Variants in RERE observed in about 807,000 individuals in gnomAD.
RERE encodes the protein arginine-glutamic acid dipeptide repeats.
Under a neutral mutation model 146.1 loss-of-function variants are expected in RERE, and 40 were observed. The ratio of observed to expected loss-of-function variants is 0.27; its 90% CI spans 0.21 to 0.36. The LOEUF is 0.36. Among genes scored for constraint, RERE ranks in the 10% least tolerant of loss-of-function variants. RERE has a pLI of 1.00. For missense variants in RERE, 1,933 were observed against 2,138.7 expected, an observed-to-expected ratio of 0.90 and a Z score of 1.90; for synonymous variants, 1,003 against 866.0, an observed-to-expected ratio of 1.16 and a Z score of -2.78.
chr1:8,770,618 A>C (rs989682474), intron 1 of RERE, among the ~76,000 whole-genome samples: 6 of 152,226 alleles, frequency 3.9e-5, no homozygotes, highest in African/African-American at 1.2e-4. Flanking sequence ...ACGTAGAACA[A>C]CACTGTGGCA....
intron 1 of RERE, among the ~76,000 whole-genome samples, chr1:8,725,907 A>G (rs1451032920): frequency 1.3e-5 from 2 of 152,094 alleles, no homozygotes; most frequent in South Asian, 2.1e-4. Context: ...CAAATGAGGC[A>G]TCTAATTTTA....
At chr1:8,458,640 A>T (rs1644484679) in intron 11 of RERE, among the ~76,000 whole-genome samples, 1 of 151,374 alleles carries the variant, frequency 6.6e-6, no homozygotes, top group Non-Finnish European at 1.5e-5. Context: ...GCTGGCTTTT[A>T]TTTTTTTAAT....
chr1:8,355,788 T>A (rs1382522561), intron 21 of RERE, among the ~76,000 whole-genome samples, 189 bp from the exon 22 acceptor site: 1 of 151,936 alleles, frequency 6.6e-6, no homozygotes, highest in Non-Finnish European at 1.5e-5. Flanking sequence ...TGCCCTTGGG[T>A]GCCTCTGCCT....
At chr1:8,780,245 C>G (rs1264502419) in intron 1 of RERE, among the ~76,000 whole-genome samples, 1 of 152,222 alleles carries the variant, frequency 6.6e-6, no homozygotes, top group African/African-American at 2.4e-5. Context: ...ATTTCCTCCC[C>G]ATTTCCTGGC....
chr1:8,529,329 G>T (rs1452230909), intron 7 of RERE, among the ~76,000 whole-genome samples: 3 of 122,794 alleles, frequency 2.4e-5, no homozygotes, highest in South Asian at 2.6e-4. Context: ...TCGCTCTGTT[G>T]CACAGGCTGG....
At chr1:8,577,198 T>A (rs1031031019) in intron 4 of RERE, among the ~76,000 whole-genome samples, 6 of 151,938 alleles carry the variant, frequency 3.9e-5, no homozygotes, top group South Asian at 4.2e-4. Context: ...AAATTTCATA[T>A]GACTTTTGAA....
intron 12 of RERE, among the ~76,000 whole-genome samples, chr1:8,387,949 G>GC (rs1222140704): frequency 6.6e-6 from 1 of 152,192 alleles, no homozygotes; most frequent in Non-Finnish European, 1.5e-5. Flanking sequence ...GTTGATGTGT[G>GC]CAAGAAAGTT....
chr1:8,473,999 CAGAA>C (rs1410581734), intron 10 of RERE, among the ~76,000 whole-genome samples: 1 of 152,220 alleles, frequency 6.6e-6, no homozygotes, highest in African/African-American at 2.4e-5. Flanking sequence ...TCCTGATTAG[CAGAA>C]AGAAAGGATC....
chr1:8,550,879 G>A (rs561643481), intron 6 of RERE, among the ~76,000 whole-genome samples: 1 of 152,232 alleles, frequency 6.6e-6, no homozygotes, highest in East Asian at 1.9e-4. Context: ...TTAAGGAATG[G>A]TTGGGAAACT....
At chr1:8,773,539 A>C (rs1172097459) in intron 1 of RERE, among the ~76,000 whole-genome samples, 1 of 152,000 alleles carries the variant, frequency 6.6e-6, no homozygotes, top group African/African-American at 2.4e-5. Flanking sequence ...AAAAATACAA[A>C]AATTAGCTGG....
intron 7 of RERE, among the ~76,000 whole-genome samples, chr1:8,515,640 AAACAAC>A (rs373344787): frequency 4.0e-5 from 6 of 151,814 alleles, no homozygotes; most frequent in South Asian, 2.1e-4. Context: ...AAAAACAAAC[AAACAAC>A]AACAACAACA....
At chr1:8,514,897 A>G in intron 7 of RERE, among the ~76,000 whole-genome samples, 1 of 152,236 alleles carries the variant, frequency 6.6e-6, no homozygotes, top group Non-Finnish European at 1.5e-5. Context: ...AGAAGACTCC[A>G]GCTTTCTTCT....
rs920677697 is a variant in RERE at position 8,402,684 on chromosome 1, C to T, written c.1284+20043G>A. On this transcript the variant is annotated intron_variant, in intron 12 of 22. Coordinates refer to ENST00000400908, the MANE Select transcript of RERE (RefSeq NM_001042681.2). ...TTTGCTTGGTGAAGGGAGAGATTGGCCTACAAAAAATGTTTCCTTCTTAGA... is the reference window on the plus strand; with the variant it reads ...TTTGCTTGGTGAAGGGAGAGATTGGTCTACAAAAAATGTTTCCTTCTTAGA... Among the ~76,000 whole-genome samples, 4 of 151,960 alleles carry T rather than the reference C, an allele frequency of 2.6e-5. No individual in the cohort carries two copies. In the East Asian group the frequency reaches 7.7e-4, roughly 29 times the overall value.
Position 8,465,614 on chromosome 1 carries a change from G to GT in RERE, c.1203+310dup, listed in dbSNP as rs200641517. On this transcript the variant is annotated intron_variant, in intron 11 of 22. Coordinates refer to ENST00000400908, the MANE Select transcript of RERE (RefSeq NM_001042681.2). ...TAACATGCTGTCTTTAAATAGGGAG[G>GT]TATCACAAGCTAGCTTGCACCAAAA... The GT allele has an allele frequency of 7.8e-4, 323 of 414,362 alleles. 8 individuals carry two copies. The East Asian group carries it at 0.017, about 22-fold the overall frequency. 25.7% of individuals were successfully genotyped at this position (414,362 alleles called of 1,614,324 possible). A position where few individuals can be genotyped will look rare whatever the true frequency, so the allele number is the denominator to read the frequency against.
At chr1:8,535,175 C>T (rs1645709129) in intron 7 of RERE, among the ~76,000 whole-genome samples, 1 of 152,108 alleles carries the variant, frequency 6.6e-6, no homozygotes, top group Non-Finnish European at 1.5e-5. Flanking sequence ...ATAACGCAAA[C>T]TGAGGGACAG....
chr1:8,771,926 A>AAAAG (rs1235397212), intron 1 of RERE, among the ~76,000 whole-genome samples: 7 of 151,468 alleles, frequency 4.6e-5, no homozygotes, highest in South Asian at 2.1e-4. Context: ...AAAAAAAAAA[A>AAAAG]AAAGAAAGAA....
At chr1:8,731,517 A>C (rs898947984) in intron 1 of RERE, among the ~76,000 whole-genome samples, 1 of 152,028 alleles carries the variant, frequency 6.6e-6, no homozygotes. Flanking sequence ...CCACTAAAAA[A>C]CTGAGATTTA....
At chr1:8,469,615 C>T (rs890181993) in intron 10 of RERE, among the ~76,000 whole-genome samples, 3 of 151,754 alleles carry the variant, frequency 2.0e-5, no homozygotes, top group African/African-American at 7.3e-5. Context: ...AGAGTGAGAC[C>T]CCGTCTCAAA....
chr1:8,625,851 G>A (rs1021992128), intron 2 of RERE, among the ~76,000 whole-genome samples: 2 of 152,128 alleles, frequency 1.3e-5, no homozygotes, highest in African/African-American at 4.8e-5. Context: ...CAGAACATCA[G>A]GATCTTTGTA....
Sources: gnomAD v4.1 joint callset for allele counts (sites outside exome capture counted in the v4.1 genomes callset) on GRCh38, gnomAD v4.1.1 for gene constraint, MANE v1.5 for transcripts, NCBI Gene and HGNC (gene_info 2026-07-23, HGNC 2026-07-21) for gene names.